HMGB1: variants seen among roughly 807,000 people sequenced by gnomAD.
The protein encoded by HMGB1 is high mobility group box 1.
For synonymous variants in HMGB1, 81 were observed against 84.0 expected (o/e 0.96, Z 0.19); for missense variants, 79 against 253.5 (o/e 0.31, Z 4.67).
At chr13:30,519,466 T>C (rs183556558) in intron 1 of HMGB1, among the ~76,000 whole-genome samples, 3,439 of 148,000 alleles carry the variant, frequency 0.023, 63 homozygotes, top group Non-Finnish European at 0.034. Context: ...GAGGCCAAGG[T>C]GGGCGGATCA....
At chr13:30,536,063 A>G (rs953819625) in intron 1 of HMGB1, among the ~76,000 whole-genome samples, 4 of 152,250 alleles carry the variant, frequency 2.6e-5, no homozygotes, top group African/African-American at 9.6e-5. Context: ...TACCGTGTAC[A>G]CTACAGAACT....
At chr13:30,542,640 G>C in intron 1 of HMGB1, 2 of 181,692 alleles carry the variant, frequency 1.1e-5, no homozygotes, top group Non-Finnish European at 2.3e-5. Context: ...CCACAGCCTG[G>C]CTGGCTGGCT....
Position 30,462,608 on chromosome 13 carries a change from T to C in HMGB1, c.401A>G (p.Asn134Ser). Residue 134 changes from asparagine (N) to serine (S), a missense_variant, in exon 4 of 5, where the codon AAT becomes AGT. Asn to Ser is a conservative substitution (Grantham distance 46, BLOSUM62 1). Transcript: ENST00000341423. Reference protein sequence around the residue: ...DVAKKLGEMWNNTAADDKQPY... With the variant: ...DVAKKLGEMWSNTAADDKQPY... ...CTGCTTGTCATCTGCAGCAGTGTTA[T>C]TCCACATCTCTCCCAGTTTCTTCGC... 6.2e-7 allele frequency: 1 copy of C among 1,609,928 alleles called. No individual in the cohort carries two copies. The highest frequency in any genetic ancestry group is 1.3e-5 in the African/African-American group (1 of 74,950).
chr13:30,600,921 T>C (rs905581009), intron 1 of HMGB1, among the ~76,000 whole-genome samples: 1 of 152,100 alleles, frequency 6.6e-6, no homozygotes, highest in Admixed American at 6.5e-5. Flanking sequence ...AGGCCTCTGA[T>C]CCCAAGCCAA....
At chr13:30,495,153 T>C (rs1204173030) in intron 1 of HMGB1, among the ~76,000 whole-genome samples, 1 of 152,224 alleles carries the variant, frequency 6.6e-6, no homozygotes, top group East Asian at 1.9e-4. Context: ...ATCTTTTGGC[T>C]GGACTATTTC....
intron 1 of HMGB1, among the ~76,000 whole-genome samples, chr13:30,480,349 C>T (rs1887198235): frequency 6.6e-6 from 1 of 152,186 alleles, no homozygotes; most frequent in Non-Finnish European, 1.5e-5. Flanking sequence ...ACTTTGACAA[C>T]AAAATGTGTA....
chr13:30,462,794 T>C (rs1294109851), intron 3 of HMGB1, 82 bp from the exon 4 acceptor site: 20 of 1,115,838 alleles, frequency 1.8e-5, no homozygotes, highest in Non-Finnish European at 2.1e-5. Context: ...CATTGCTATT[T>C]AAAGCTGCCT....
At chr13:30,581,599 T>C (rs1870904061) in intron 1 of HMGB1, among the ~76,000 whole-genome samples, 1 of 152,168 alleles carries the variant, frequency 6.6e-6, no homozygotes, top group South Asian at 2.1e-4. Flanking sequence ...GTATTCTATA[T>C]TGTTGATTAA....
intron 1 of HMGB1, among the ~76,000 whole-genome samples, chr13:30,548,691 G>A (rs1301629540): frequency 6.6e-6 from 1 of 152,140 alleles, no homozygotes; most frequent in Non-Finnish European, 1.5e-5. Flanking sequence ...CACTAATTAT[G>A]ATGAGATGTC....
intron 1 of HMGB1, among the ~76,000 whole-genome samples, chr13:30,498,946 C>A (rs151175771): frequency 9.4e-6 from 1 of 106,552 alleles, no homozygotes; most frequent in East Asian, 3.3e-4. Flanking sequence ...CTGCGCCCAG[C>A]CTCTTTTTTG....
At chr13:30,477,077 A>G (rs1236453464) in intron 1 of HMGB1, among the ~76,000 whole-genome samples, 1 of 152,144 alleles carries the variant, frequency 6.6e-6, no homozygotes, top group African/African-American at 2.4e-5. Flanking sequence ...TGCGGTTATT[A>G]GCCTAGCTAA....
chr13:30,584,412 T>G (rs867979005), intron 1 of HMGB1, among the ~76,000 whole-genome samples: 1 of 152,198 alleles, frequency 6.6e-6, no homozygotes, highest in South Asian at 2.1e-4. Flanking sequence ...TCTGCTACAT[T>G]ATTCCAATTT....
upstream of HMGB1, among the ~76,000 whole-genome samples, chr13:30,466,134 G>C (rs1399983445): frequency 6.6e-6 from 1 of 152,228 alleles, no homozygotes; most frequent in Non-Finnish European, 1.5e-5. Flanking sequence ...GAGAGGCAGA[G>C]GCAGAGGCAG....
At chr13:30,463,062 T>C (rs1886460023) in intron 3 of HMGB1, 145 bp downstream of exon 3, 1 of 854,746 alleles carries the variant, frequency 1.2e-6, no homozygotes. Flanking sequence ...TTTTATACTA[T>C]TTAAATATAA....
intron 1 of HMGB1, among the ~76,000 whole-genome samples, chr13:30,486,562 C>A (rs1272687309): frequency 6.6e-6 from 1 of 152,104 alleles, no homozygotes; most frequent in Admixed American, 6.5e-5. Context: ...CTTAAGTATT[C>A]CTCGCCTCTT....
chr13:30,493,379 C>A (rs1286771623), intron 1 of HMGB1, among the ~76,000 whole-genome samples: 2 of 152,128 alleles, frequency 1.3e-5, no homozygotes, highest in Non-Finnish European at 2.9e-5. Context: ...GCAAACTAAT[C>A]GGTAAGTGGC....
chr13:30,537,394 T>C (rs887134576), intron 1 of HMGB1, among the ~76,000 whole-genome samples: 1 of 151,810 alleles, frequency 6.6e-6, no homozygotes, highest in Non-Finnish European at 1.5e-5. Context: ...TGAACAAACA[T>C]TTTGTGTAAC....
intron 1 of HMGB1, among the ~76,000 whole-genome samples, chr13:30,523,035 G>A (rs910170428): frequency 6.6e-6 from 1 of 152,196 alleles, no homozygotes; most frequent in South Asian, 2.1e-4. Flanking sequence ...AAATTCTATA[G>A]CCTTGCCTTC....
intron 1 of HMGB1, chr13:30,540,225 A>T (rs1240319498): frequency 2.1e-5 from 4 of 193,648 alleles, no homozygotes; most frequent in African/African-American, 9.4e-5. Flanking sequence ...GATCATCCAG[A>T]TCTGTAGGCT....
Sources: allele counts gnomAD v4.1 joint callset (sites outside exome capture counted in the v4.1 genomes callset), GRCh38; gene constraint gnomAD v4.1.1; transcripts MANE v1.5; gene names NCBI Gene and HGNC (gene_info 2026-07-23, HGNC 2026-07-21).